The following SULF2 variants were observed in gnomAD, a reference collection of about 807,000 sequenced individuals.
SULF2 encodes sulfatase 2, also known as extracellular sulfatase Sulf-2.
Under a neutral mutation model 107.7 loss-of-function variants are expected in SULF2, and 52 were observed. The ratio of observed to expected loss-of-function variants is 0.48; its 90% confidence interval spans 0.39 to 0.61. The LOEUF (loss-of-function observed/expected upper bound fraction) is 0.61. Ranked by LOEUF, SULF2 falls within the 20% of genes least tolerant of loss-of-function variation. SULF2 has a pLI of 0.00. For missense variants in SULF2, 993 were observed against 1,177.3 expected, an observed-to-expected ratio of 0.84 and a Z score of 2.29; for synonymous variants, 460 against 464.3, an observed-to-expected ratio of 0.99 and a Z score of 0.12.
chr20:47,723,499 T>G (rs969136424), intron 3 of SULF2, among the ~76,000 whole-genome samples: 2 of 152,248 alleles, frequency 1.3e-5, no homozygotes, highest in South Asian at 4.1e-4. Context: ...TGTGGCCTGT[T>G]AGGAACTGGG....
intron 1 of SULF2, among the ~76,000 whole-genome samples, chr20:47,775,844 T>C (rs1366806621): frequency 6.6e-6 from 1 of 152,250 alleles, no homozygotes; most frequent in East Asian, 1.9e-4. Flanking sequence ...AAGTAATCAA[T>C]AGATATTAGA....
intron 3 of SULF2, among the ~76,000 whole-genome samples, chr20:47,723,599 C>T (rs1037870096): frequency 1.3e-5 from 2 of 152,190 alleles, no homozygotes; most frequent in Non-Finnish European, 2.9e-5. Context: ...TGCCTGAGCT[C>T]TGCCTCCTAT....
intron 10 of SULF2, 58 bp downstream of exon 10, chr20:47,676,436 G>A (rs996572712): frequency 4.0e-5 from 63 of 1,577,960 alleles, no homozygotes; most frequent in Non-Finnish European, 5.2e-5. Flanking sequence ...AGCCTCGCAG[G>A]TCAGGGCCGG....
At chr20:47,704,601 C>T (rs1270890296) in intron 3 of SULF2, among the ~76,000 whole-genome samples, 1 of 152,166 alleles carries the variant, frequency 6.6e-6, no homozygotes, top group Non-Finnish European at 1.5e-5. Flanking sequence ...TAATTATAAT[C>T]TATAAAGCCA....
At chr20:47,712,348 T>G (rs987116808) in intron 3 of SULF2, among the ~76,000 whole-genome samples, 12 of 152,232 alleles carry the variant, frequency 7.9e-5, no homozygotes, top group African/African-American at 2.9e-4. Context: ...TCCTTCTGCC[T>G]GGGACGCCTG....
chr20:47,679,196 C>T (rs1389456673), intron 7 of SULF2, among the ~76,000 whole-genome samples: 2 of 152,090 alleles, frequency 1.3e-5, no homozygotes, highest in East Asian at 3.9e-4. Flanking sequence ...CCTTGACAGC[C>T]CAGGCACAGT....
At chr20:47,671,012 C>G (rs1166767629) in intron 11 of SULF2, among the ~76,000 whole-genome samples, 1 of 152,178 alleles carries the variant, frequency 6.6e-6, no homozygotes, top group Non-Finnish European at 1.5e-5. Flanking sequence ...GACGCCTCCA[C>G]ACATTTTCAG....
chr20:47,779,596 T>C (rs575249432), intron 1 of SULF2, among the ~76,000 whole-genome samples: 1 of 152,238 alleles, frequency 6.6e-6, no homozygotes, highest in South Asian at 2.1e-4. Context: ...CCTCCAATGG[T>C]TCTCCATTTT....
At chr20:47,762,491 T>C (rs896956392) in intron 1 of SULF2, among the ~76,000 whole-genome samples, 2 of 152,070 alleles carry the variant, frequency 1.3e-5, no homozygotes, top group Non-Finnish European at 2.9e-5. Context: ...GCACAGAGAG[T>C]TAAAATCACT....
At chr20:47,696,878 G>T (rs1420169633) in intron 4 of SULF2, among the ~76,000 whole-genome samples, 1 of 152,188 alleles carries the variant, frequency 6.6e-6, no homozygotes, top group Non-Finnish European at 1.5e-5. Flanking sequence ...CGGTCATTTA[G>T]TTATTTCGTG....
chr20:47,745,450 TATATATACACATAC>T (rs1325061725), intron 2 of SULF2, among the ~76,000 whole-genome samples: 1,246 of 16,066 alleles, frequency 0.078, 79 homozygotes, highest in East Asian at 0.21. Context: ...TATATATATA[TATATATACACATAC>T]ACACACACTT....
chr20:47,695,627 A>G (rs943405501), intron 4 of SULF2, among the ~76,000 whole-genome samples: 2 of 152,090 alleles, frequency 1.3e-5, no homozygotes, highest in Admixed American at 1.3e-4. Context: ...TTATTTTATT[A>G]TTTTGAGACA....
At chr20:47,746,843 G>C (rs1398352482) in intron 2 of SULF2, among the ~76,000 whole-genome samples, 1 of 151,834 alleles carries the variant, frequency 6.6e-6, no homozygotes, top group African/African-American at 2.4e-5. Flanking sequence ...TGTGGGGTGG[G>C]GGGAGAGGGG....
At chr20:47,728,212 T>C (rs979179480) in intron 3 of SULF2, among the ~76,000 whole-genome samples, 1 of 151,826 alleles carries the variant, frequency 6.6e-6, no homozygotes, top group African/African-American at 2.4e-5. Context: ...AAGGGAGCTG[T>C]GTGTGTGCGT....
At chr20:47,658,901 G>C (rs1214653415) in intron 20 of SULF2, among the ~76,000 whole-genome samples, 2 of 152,200 alleles carry the variant, frequency 1.3e-5, no homozygotes, top group African/African-American at 4.8e-5. Flanking sequence ...GCGAACCTCA[G>C]CCCATTCCTG....
intron 1 of SULF2, among the ~76,000 whole-genome samples, chr20:47,769,852 G>A (rs1172888812): frequency 6.6e-6 from 1 of 152,070 alleles, no homozygotes; most frequent in Admixed American, 6.5e-5. Context: ...TGACAGTTGG[G>A]TGGATCCCTG....
chr20:47,767,358 TC>T (rs2090546659), intron 1 of SULF2, among the ~76,000 whole-genome samples: 1 of 152,076 alleles, frequency 6.6e-6, no homozygotes, highest in East Asian at 1.9e-4. Context: ...TTCTTGGGAG[TC>T]TGAGGCCGGG....
chr20:47,747,016 T>TACACACACAC (rs1487483656), intron 2 of SULF2, among the ~76,000 whole-genome samples: 2 of 79,012 alleles, frequency 2.5e-5, no homozygotes, highest in African/African-American at 3.9e-5. Flanking sequence ...TATATATATA[T>TACACACACAC]ATACACACAC....
chr20:47,659,803 A>G (rs931839361), intron 18 of SULF2, 73 bp from the exon 19 acceptor site: 6 of 1,179,246 alleles, frequency 5.1e-6, no homozygotes, highest in African/African-American at 4.6e-5. Flanking sequence ...ACACCAGAAA[A>G]CCATCTTATG....
Sources: allele counts gnomAD v4.1 joint callset (sites outside exome capture counted in the v4.1 genomes callset), GRCh38; gene constraint gnomAD v4.1.1; transcripts MANE v1.5; gene names NCBI Gene and HGNC (gene_info 2026-07-23, HGNC 2026-07-21).